SOS1: variants seen among roughly 807,000 people sequenced by gnomAD.
SOS1 encodes the protein son of sevenless homolog 1.
In SOS1, 25 loss-of-function variants were observed where a neutral mutation model predicts 157.6. The observed-to-expected ratio is 0.16, with a 90% CI of 0.12 to 0.22. SOS1 has a LOEUF of 0.22. SOS1 is among the 10% of genes least tolerant of loss of function. The probability of loss-of-function intolerance (pLI) is 1.00; values close to 1 mark genes in which losing one functional copy is unlikely to be tolerated. For synonymous variants in SOS1, 528 were observed against 534.0 expected (o/e 0.99, Z 0.16); for missense variants, 1,237 against 1,599.1 (o/e 0.77, Z 3.86).
upstream of SOS1, among the ~76,000 whole-genome samples, chr2:39,123,688 C>T (rs1362482937): frequency 6.6e-6 from 1 of 152,150 alleles, no homozygotes; most frequent in African/African-American, 2.4e-5. Context: ...TTTCGTTCTT[C>T]ATTGGTTTTA....
intron 1 of SOS1, among the ~76,000 whole-genome samples, chr2:39,107,083 T>C (rs1172923672): frequency 7.0e-6 from 1 of 143,258 alleles, no homozygotes; most frequent in Non-Finnish European, 1.5e-5. Flanking sequence ...AAGGCATCCT[T>C]TTTTTTTTCT....
chr2:38,988,945 C>CTT (rs3085353), intron 21 of SOS1, among the ~76,000 whole-genome samples: 19,388 of 141,936 alleles, frequency 0.14, 3,997 homozygotes, highest in African/African-American at 0.44. Context: ...ATGCTCTTGC[C>CTT]TTTTTTTTTT....
chr2:39,110,871 C>T lies in SOS1; in HGVS notation c.87+9465G>A, dbSNP rs139892248. Among the ~76,000 whole-genome samples the T allele has an allele frequency of 7.2e-3, 1,094 of 152,226 alleles. 7 individuals carry two copies. Among genetic ancestry groups the T allele is most frequent in the Middle Eastern group, 0.014 (4 of 294 alleles). On this transcript the variant is annotated intron_variant, in intron 1 of 22. Coordinates refer to ENST00000402219, the MANE Select transcript of SOS1 (RefSeq NM_005633.4). ...ACCCCAGCACTTTGGGAGGCTGAAGCGGGTAGATCACTTCAGGTCAGGAAT... is the reference window on the plus strand; with the variant it reads ...ACCCCAGCACTTTGGGAGGCTGAAGTGGGTAGATCACTTCAGGTCAGGAAT...
At chr2:39,021,072 T>C (rs1401055624) in intron 10 of SOS1, among the ~76,000 whole-genome samples, 4 of 151,718 alleles carry the variant, frequency 2.6e-5, no homozygotes, top group Non-Finnish European at 5.9e-5. Flanking sequence ...ATATTCATTA[T>C]AAGTAAAAGC....
At chr2:39,104,256 T>C (rs912920126) in intron 1 of SOS1, among the ~76,000 whole-genome samples, 2 of 152,044 alleles carry the variant, frequency 1.3e-5, no homozygotes, top group African/African-American at 4.8e-5. Flanking sequence ...CACTCCAGCC[T>C]GGGGGACAAC....
Position 38,986,167 on chromosome 2 carries a change from A to G in SOS1, c.3659T>C (p.Val1220Ala). ...SPPLLPPREP[V>A]RTPDVFSSSP... Reference sequence around the variant, plus strand: ...GCTTGAGAAAACATCAGGTGTCCTCACAGGTTCTCGTGGTGGTAATAAGGG... The same window carrying G: ...GCTTGAGAAAACATCAGGTGTCCTCGCAGGTTCTCGTGGTGGTAATAAGGG... The change falls in exon 23 of 23, where the codon GTG becomes GCG. Residue 1220 changes from valine to alanine, a missense_variant. Coordinates refer to ENST00000402219, the MANE Select transcript of SOS1 (RefSeq NM_005633.4). The G allele has an allele frequency of 6.2e-7, 1 of 1,613,790 alleles. No individual in the cohort carries two copies. The highest frequency in any genetic ancestry group is 1.3e-5 in the African/African-American group (1 of 74,974).
In SOS1 at chr2:39,004,543, C is replaced by A. The variant is rs1368732794; in HGVS notation, c.2791+1869G>T. 4.0e-5 allele frequency among the ~76,000 whole-genome samples: 6 copies of A among 148,748 alleles called. 1 individual carries two copies. Among genetic ancestry groups the A allele is most frequent in the African/African-American group, 1.5e-4 (6 of 40,278 alleles). ...AGTATTTCATAAGATATTAAAGATA[C>A]TTCAGTTTGATATTAGAGTTAAATA... On this transcript the variant is annotated intron_variant, in intron 17 of 22. Coordinates refer to ENST00000402219, the MANE Select transcript of SOS1 (RefSeq NM_005633.4).
At chr2:38,988,846 G>A (rs1016913772) in intron 21 of SOS1, among the ~76,000 whole-genome samples, 8 of 151,610 alleles carry the variant, frequency 5.3e-5, no homozygotes, top group Non-Finnish European at 1.0e-4. Flanking sequence ...GTCAAAAGCA[G>A]TTGTCTATAA....
At chr2:39,105,803 G>C (rs1673149671) in intron 1 of SOS1, among the ~76,000 whole-genome samples, 1 of 152,130 alleles carries the variant, frequency 6.6e-6, no homozygotes, top group Non-Finnish European at 1.5e-5. Flanking sequence ...GGGAGGCTGA[G>C]GTAGGAGAGT....
intron 1 of SOS1, among the ~76,000 whole-genome samples, chr2:39,081,022 C>CA (rs764166715): frequency 0.051 from 7,467 of 145,772 alleles, 272 homozygotes; most frequent in Non-Finnish European, 0.075. Context: ...CTTGTCTCTC[C>CA]AAAAAAAAAA....
intron 8 of SOS1, among the ~76,000 whole-genome samples, chr2:39,028,284 G>T (rs1281705465): frequency 1.3e-5 from 2 of 152,188 alleles, no homozygotes; most frequent in Non-Finnish European, 2.9e-5. Flanking sequence ...AACCCTGGGA[G>T]ATAAATGGGA....
At chr2:38,989,119 GA>G in intron 21 of SOS1, 150 bp downstream of exon 21, 1 of 624,702 alleles carries the variant, frequency 1.6e-6, no homozygotes, top group Non-Finnish European at 2.9e-6. Flanking sequence ...ATGATCTAAA[GA>G]TAGCACAAGT....
At chr2:39,119,846 A>T (rs957683614) in intron 1 of SOS1, among the ~76,000 whole-genome samples, 1 of 152,172 alleles carries the variant, frequency 6.6e-6, no homozygotes, top group Non-Finnish European at 1.5e-5. Flanking sequence ...AGGAGTGAAT[A>T]CTGACGGCGA....
chr2:39,065,941 A>G (rs1023916792), intron 2 of SOS1, among the ~76,000 whole-genome samples: 9 of 152,240 alleles, frequency 5.9e-5, no homozygotes, highest in African/African-American at 2.2e-4. Context: ...TGAAATGTAA[A>G]GTATGGAAGT....
upstream of SOS1, among the ~76,000 whole-genome samples, chr2:39,121,881 A>G (rs1336096805): frequency 6.6e-6 from 1 of 152,184 alleles, no homozygotes; most frequent in Non-Finnish European, 1.5e-5. Context: ...TGTGGCAGAC[A>G]CCTTATGATT....
chr2:39,034,530 A>C (rs553273074), intron 8 of SOS1, among the ~76,000 whole-genome samples: 3 of 152,330 alleles, frequency 2.0e-5, no homozygotes, highest in African/African-American at 7.2e-5. Context: ...AGGTAGAGAG[A>C]ATATCACTTT....
rs988004958 is a variant in SOS1 at position 39,051,033 on chromosome 2, T to C, written c.864+111A>G. The C allele has an allele frequency of 2.1e-5, 20 of 959,006 alleles. No individual in the cohort carries two copies. The African/African-American group carries it at 2.1e-4, about 10-fold the overall frequency. 59.4% of individuals were successfully genotyped at this position (959,006 alleles called of 1,614,324 possible). A position where few individuals can be genotyped will look rare whatever the true frequency, so the allele number is the denominator to read the frequency against. On this transcript the variant is annotated intron_variant, in intron 6 of 22. Transcript: ENST00000402219. ...TGAAAAAGGAGCAATAACAGATAAA[T>C]AGTCAACAATTAGTATCTATGACTT...
In SOS1 at chr2:39,022,747, C is replaced by T. The variant is rs1393222137; in HGVS notation, c.1681G>A (p.Glu561Lys). ...ERMLDVTMLQ[E>K]EKEEQMRLPS... ...AGCCTCATCTGCTCCTCTTTCTCTT[C>T]CTGTAGCATTGTTACATCAAGCATC... Residue 561 changes from glutamate to lysine, a missense_variant, in exon 10 of 23, where the codon GAA becomes AAA. Physicochemically the swap from Glu to Lys is moderately conservative, Grantham distance 56. Transcript: ENST00000402219. 1.9e-6 allele frequency: 3 copies of T among 1,613,684 alleles called. No homozygotes were observed. Among genetic ancestry groups the T allele is most frequent in the African/African-American group, 2.7e-5 (2 of 74,912 alleles).
rs138555160 is a variant in SOS1 at position 39,013,940 on chromosome 2, C to G, written c.1990G>C (p.Glu664Gln). 6.2e-7 allele frequency: 1 copy of G among 1,605,078 alleles called. No individual in the cohort carries two copies. Among genetic ancestry groups the G allele is most frequent in the African/African-American group, 1.3e-5 (1 of 74,684 alleles). The change falls in exon 12 of 23, where the codon GAG becomes CAG. Residue 664 changes from glutamate to glutamine, a missense_variant. By Grantham distance (29) the Glu-to-Gln change is conservative (BLOSUM62 2). Transcript: ENST00000402219. ...GCACTCAAGGGTTGATCTCCATTCT[C>G]TATAGCTATGCGATCAGCTTCTGTT... The part of the protein sequence containing the change: ...EPTEADRIAI[E>Q]NGDQPLSAEL...
Sources: allele counts gnomAD v4.1 joint callset (sites outside exome capture counted in the v4.1 genomes callset), GRCh38; gene constraint gnomAD v4.1.1; transcripts MANE v1.5; gene names NCBI Gene and HGNC (gene_info 2026-07-23, HGNC 2026-07-21).